The following KIF4A variants were observed in gnomAD, a reference collection of about 807,000 sequenced individuals.
The protein encoded by KIF4A is chromosome-associated kinesin KIF4A.
Under a neutral mutation model 105.9 loss-of-function variants are expected in KIF4A, and 7 were observed. That is an observed-to-expected ratio of 0.07 (90% CI 0.04 to 0.12). The LOEUF is 0.12. KIF4A is among the 10% of genes least tolerant of loss of function. The pLI is 1.00. For missense variants in KIF4A, 558 were observed against 929.2 expected, an observed-to-expected ratio of 0.60 and a Z score of 5.19; for synonymous variants, 281 against 331.3, an observed-to-expected ratio of 0.85 and a Z score of 1.65.
At chrX:70,304,053 A>G (rs1395375725) in intron 7 of KIF4A, among the ~76,000 whole-genome samples, 5 of 91,078 alleles carry the variant, frequency 5.5e-5, no homozygotes, top group Non-Finnish European at 8.7e-5. Context: ...CTCGTCATTT[A>G]GCATTAGGTA....
At chrX:70,299,527 A>G (rs2085796550) in intron 5 of KIF4A, among the ~76,000 whole-genome samples, 1 of 111,911 alleles carries the variant, frequency 8.9e-6, no homozygotes, top group Non-Finnish European at 1.9e-5. Flanking sequence ...ATTTAAATGA[A>G]TTAAAATTGA....
At chrX:70,374,966 C>G (rs867972549) in intron 16 of KIF4A, among the ~76,000 whole-genome samples, 9 of 111,952 alleles carry the variant, frequency 8.0e-5, no homozygotes, top group African/African-American at 1.3e-4. Flanking sequence ...GCAAAAGGGG[C>G]GGCGTATATT....
Position 70,290,509 on chromosome X carries a change from C to T in KIF4A, c.51C>T (p.Arg17=). The part of the protein sequence containing the change: ...GIPVRVALRC[R]PLVPKEISEG... ...CCGTAAGAGTGGCGCTGCGTTGTCG[C>T]CCTCTGGTCCCCAAAGAGATTAGCG... Residue 17 remains arginine (R), a synonymous_variant, in exon 2 of 31, where the codon CGC becomes CGT. Coordinates refer to ENST00000374403, the MANE Select transcript of KIF4A (RefSeq NM_012310.5). 8.3e-7 allele frequency: 1 copy of T among 1,211,550 alleles called. No homozygotes were observed. The highest frequency in any genetic ancestry group is 3.0e-5 in the East Asian group (1 of 33,823).
intron 20 of KIF4A, among the ~76,000 whole-genome samples, chrX:70,388,260 A>G (rs1198013253): frequency 8.9e-6 from 1 of 111,752 alleles, no homozygotes; most frequent in African/African-American, 3.2e-5. Context: ...CATCCCATTC[A>G]TTGTATGGCT....
chrX:70,358,489 T>C (rs1339480179), intron 15 of KIF4A, among the ~76,000 whole-genome samples: 1 of 112,388 alleles, frequency 8.9e-6, no homozygotes, highest in East Asian at 2.8e-4. Flanking sequence ...CATTTGGCTA[T>C]TAATTTCCAA....
intron 7 of KIF4A, among the ~76,000 whole-genome samples, chrX:70,304,442 TGG>T (rs1218993783): frequency 2.8e-5 from 3 of 105,382 alleles, no homozygotes; most frequent in African/African-American, 1.0e-4. Context: ...TATAGTCCTT[TGG>T]GTATATACCC....
chrX:70,317,544 CTTTTT>C (rs34377717), intron 7 of KIF4A, among the ~76,000 whole-genome samples: 1 of 69,422 alleles, frequency 1.4e-5, no homozygotes, highest in Non-Finnish European at 2.5e-5. Context: ...ATTCCCTTGC[CTTTTT>C]TTTTTTTTTT....
intron 10 of KIF4A, among the ~76,000 whole-genome samples, chrX:70,338,437 C>A (rs2085959301): frequency 8.9e-6 from 1 of 112,094 alleles, no homozygotes; most frequent in Non-Finnish European, 1.9e-5. Context: ...TGGCTTCTTT[C>A]ACTTATGTTT....
rs1196392295 is a variant in KIF4A at position 70,333,320 on chromosome X, C to CA, written c.1072-294dup. ...GGGCGACAGAGCAAGACTCTGTCTC[C>CA]AAAAAAAAAAAAAAGAAAAGAAAAG... On this transcript the variant is annotated intron_variant, in intron 9 of 30. Transcript: ENST00000374403. 8.4e-3 allele frequency among the ~76,000 whole-genome samples: 398 copies of CA among 47,510 alleles called. 1 individual carries two copies. Among genetic ancestry groups the CA allele is most frequent in the Middle Eastern group, 0.025 (2 of 81 alleles). The allele number at this position is 47,510 out of a possible 115,157, so 41.3% of individuals were successfully genotyped here. A position where few individuals can be genotyped will look rare whatever the true frequency, so the allele number is the denominator to read the frequency against.
At position 70,371,504 on chromosome X, in the gene KIF4A, C is replaced by T. The variant is rs201185393; in HGVS notation, c.1675-2647C>T. ...TGAGCTGTTGGGTATACCTCCCAGA[C>T]GGGGTGGTGGCCGGGCAGAAGGGCT... On this transcript the variant is annotated intron_variant, in intron 15 of 30. Coordinates refer to ENST00000374403, the MANE Select transcript of KIF4A (RefSeq NM_012310.5). Among the ~76,000 whole-genome samples, 43 of 111,909 alleles carry T rather than the reference C, an allele frequency of 3.8e-4. No homozygotes were observed. The East Asian group carries it at 9.5e-3, about 25-fold the overall frequency.
At chrX:70,332,035 T>C (rs1343908536) in intron 9 of KIF4A, among the ~76,000 whole-genome samples, 1 of 112,033 alleles carries the variant, frequency 8.9e-6, no homozygotes, top group African/African-American at 3.2e-5. Flanking sequence ...TGGGTTACAC[T>C]GGAAAAGGAC....
chrX:70,378,262 C>T (rs1367642377), intron 18 of KIF4A, among the ~76,000 whole-genome samples: 1 of 111,044 alleles, frequency 9.0e-6, no homozygotes, highest in East Asian at 2.8e-4. Flanking sequence ...GGAAGGATCA[C>T]TTGACCCCAG....
chrX:70,374,284 A>G, intron 16 of KIF4A, 30 bp downstream of exon 16: 1 of 969,334 alleles, frequency 1.0e-6, no homozygotes, highest in Non-Finnish European at 1.5e-6. Flanking sequence ...ATGTTATTTC[A>G]AGTCCCTACT....
Position 70,330,171 on chromosome X carries a change from A to G in KIF4A, c.910A>G (p.Asn304Asp), listed in dbSNP as rs1320542230. Reference sequence around the variant, plus strand: ...TTCTTTTTCAGATTCTCTAGGAGGTAATAGCCATACTCTTATGATAGCCTG... The same window carrying G: ...TTCTTTTTCAGATTCTCTAGGAGGTGATAGCCATACTCTTATGATAGCCTG... ...TRLLQDSLGG[N>D]SHTLMIACVS... Residue 304 changes from asparagine (N) to aspartate (D), a missense_variant, in exon 9 of 31, where the codon AAT becomes GAT. This residue lies in a region of KIF4A where 89 missense variants were observed against 248.8 expected (regional missense o/e 0.36). Transcript: ENST00000374403. 1 of 1,197,771 alleles carries G rather than the reference A, an allele frequency of 8.3e-7. No individual in the cohort carries two copies. The highest frequency in any genetic ancestry group is 1.9e-5 in the South Asian group (1 of 54,014).
At chrX:70,367,055 C>T (rs2086107082) in intron 15 of KIF4A, among the ~76,000 whole-genome samples, 1 of 111,186 alleles carries the variant, frequency 9.0e-6, no homozygotes, top group Non-Finnish European at 1.9e-5. Context: ...CTGTTTTATC[C>T]AAGACTAGGA....
chrX:70,387,961 T>A, intron 20 of KIF4A, among the ~76,000 whole-genome samples: 1 of 111,669 alleles, frequency 9.0e-6, no homozygotes, highest in Non-Finnish European at 1.9e-5. Flanking sequence ...TGTGCTTCAT[T>A]GCCTAAACTT....
chrX:70,396,062 A>C lies in KIF4A; in HGVS notation c.2489+13A>C. Reference sequence around the variant, plus strand: ...AAATGGAATTCAGGTAACAGGGACTATCTCTAAGCCATTATAAAAATTTAT... The same window carrying C: ...AAATGGAATTCAGGTAACAGGGACTCTCTCTAAGCCATTATAAAAATTTAT... On this transcript the variant is annotated intron_variant, in intron 22 of 30. Transcript: ENST00000374403. The C allele has an allele frequency of 1.8e-6, 2 of 1,104,385 alleles. No homozygotes were observed. The highest frequency in any genetic ancestry group is 2.5e-6 in the Non-Finnish European group (2 of 803,984). The allele number at this position is 1,104,385 out of a possible 1,213,427, so 91.0% of individuals were successfully genotyped here.
In KIF4A at chrX:70,301,487, G is replaced by T. The variant is rs533852861; in HGVS notation, c.517-413G>T. ...TGCTATTTCCTCTAGTGAAAATGAG[G>T]TTAAAAATGAATCAGAGGTACAGAG... On this transcript the variant is annotated intron_variant, in intron 5 of 30. Transcript: ENST00000374403. 7.2e-5 allele frequency among the ~76,000 whole-genome samples: 8 copies of T among 111,235 alleles called. No homozygotes were observed. In the South Asian group the frequency reaches 1.2e-3, roughly 16 times the overall value.
intron 30 of KIF4A, 124 bp downstream of exon 30, chrX:70,419,907 G>A: frequency 3.8e-6 from 4 of 1,044,891 alleles, no homozygotes; most frequent in Middle Eastern, 2.7e-4. Context: ...GGGAACTAGG[G>A]ATCGGGCATA....
Sources: gnomAD v4.1 joint callset for allele counts (sites outside exome capture counted in the v4.1 genomes callset) on GRCh38, gnomAD v4.1.1 for gene constraint, gnomAD v4.1.1 regional missense constraint, MANE v1.5 for transcripts, NCBI Gene and HGNC (gene_info 2026-07-23, HGNC 2026-07-21) for gene names.